NAV1: variants seen among roughly 807,000 people sequenced by gnomAD.
NAV1 encodes pore membrane and/or filament interacting like protein 3.
In NAV1, 18 loss-of-function variants were observed where a neutral mutation model predicts 175.2. The observed-to-expected ratio is 0.10, with a 90% CI of 0.07 to 0.15. NAV1 has a LOEUF of 0.15. Ranked by LOEUF, NAV1 falls within the 10% of genes least tolerant of loss-of-function variation. The pLI is 1.00. For synonymous variants in NAV1, 897 were observed against 978.7 expected (o/e 0.92, Z 1.56); for missense variants, 1,731 against 2,436.6 (o/e 0.71, Z 6.10).
intron 15 of NAV1, among the ~76,000 whole-genome samples, chr1:201,801,799 C>T (rs1023139423): frequency 6.6e-6 from 1 of 152,040 alleles, no homozygotes; most frequent in Non-Finnish European, 1.5e-5. Context: ...TTCAGAATTT[C>T]CGTTCTCCAT....
rs146133568 is a variant in NAV1 at position 201,779,413 on chromosome 1, G to A, written c.1227-1008G>A. Among the ~76,000 whole-genome samples, 326 of 148,264 alleles carry A rather than the reference G, an allele frequency of 2.2e-3. 1 individual carries two copies. Among genetic ancestry groups the A allele is most frequent in the African/African-American group, 7.6e-3 (309 of 40,482 alleles). On this transcript the variant is annotated intron_variant, in intron 3 of 29. Coordinates refer to ENST00000367296, the Ensembl canonical transcript of NAV1. ...TCAAGACCAGCCTGGCCAACATGGT[G>A]AAACCCTGTCTCTACTTAAAAAAAA...
intron 1 of NAV1, among the ~76,000 whole-genome samples, chr1:201,675,283 G>A (rs1201754010): frequency 2.0e-5 from 3 of 152,146 alleles, no homozygotes; most frequent in Non-Finnish European, 4.4e-5. Context: ...TCTGCTCCTT[G>A]ACAAAACCAT....
chr1:201,757,251 T>C (rs1674569958), intron 3 of NAV1, among the ~76,000 whole-genome samples: 1 of 152,172 alleles, frequency 6.6e-6, no homozygotes, highest in Admixed American at 6.5e-5. Flanking sequence ...TTCAGTTTCT[T>C]TCTTTTTTCT....
chr1:201,783,824 G>A (rs1676510352), exon 7 of NAV1: 5 of 1,613,208 alleles, frequency 3.1e-6, no homozygotes, highest in African/African-American at 1.3e-5. Context: ...GACTTGGAGT[G>A]GAAGCCCCAG....
chr1:201,735,187 C>G (rs1212593634), intron 3 of NAV1, among the ~76,000 whole-genome samples: 2 of 152,146 alleles, frequency 1.3e-5, no homozygotes, highest in Non-Finnish European at 2.9e-5. Context: ...GAGCCCCACA[C>G]CAGGGAGGGA....
At chr1:201,763,697 CT>C (rs1675006109) in intron 3 of NAV1, among the ~76,000 whole-genome samples, 2 of 152,218 alleles carry the variant, frequency 1.3e-5, no homozygotes, top group South Asian at 4.1e-4. Flanking sequence ...CATGGCAAAG[CT>C]TTAACCGACG....
intron 1 of NAV1, among the ~76,000 whole-genome samples, chr1:201,561,052 G>A (rs930650755): frequency 2.0e-5 from 3 of 152,192 alleles, no homozygotes; most frequent in African/African-American, 7.2e-5. Flanking sequence ...CCTGGGGTGG[G>A]GCTTTGATTT....
intron 1 of NAV1, among the ~76,000 whole-genome samples, chr1:201,567,327 C>A: frequency 6.6e-6 from 1 of 152,210 alleles, no homozygotes; most frequent in East Asian, 1.9e-4. Flanking sequence ...GGTACGAGGG[C>A]ATTGGCTGGG....
exon 29 of NAV1, chr1:201,817,183 C>T: frequency 6.2e-7 from 1 of 1,614,136 alleles, no homozygotes; most frequent in Non-Finnish European, 8.5e-7. Flanking sequence ...CAAAGCTGTA[C>T]CACCTGCCCC....
In NAV1 at chr1:201,573,133, T is replaced by A. The variant is rs1666595891; in HGVS notation, c.-143-15406T>A. Among the ~76,000 whole-genome samples, 4 of 152,222 alleles carry A rather than the reference T, an allele frequency of 2.6e-5. No homozygotes were observed. In the South Asian group the frequency reaches 8.3e-4, roughly 32 times the overall value. On this transcript the variant is annotated intron_variant, in intron 1 of 33. Transcript: ENST00000685211. ...TGTTGATCAAGCTCAGACTGAATTA[T>A]GCATAGGCACATGGCCTGTGCCTGA...
intron 7 of NAV1, among the ~76,000 whole-genome samples, chr1:201,784,415 C>T (rs1252773080): frequency 6.6e-6 from 1 of 152,108 alleles, no homozygotes; most frequent in Non-Finnish European, 1.5e-5. Context: ...ACATCAGCTT[C>T]CCAAAGTGCT....
upstream of NAV1, among the ~76,000 whole-genome samples, chr1:201,644,331 G>C (rs193058494): frequency 6.6e-6 from 1 of 152,170 alleles, no homozygotes; most frequent in Admixed American, 6.5e-5. Flanking sequence ...GGAATCACTC[G>C]AGGAACCATT....
At chr1:201,612,658 AT>A (rs1311116033) in intron 2 of NAV1, among the ~76,000 whole-genome samples, 3 of 152,190 alleles carry the variant, frequency 2.0e-5, no homozygotes, top group Non-Finnish European at 4.4e-5. Context: ...GACTTAACCC[AT>A]TCACAAAGGT....
exon 30 of NAV1, chr1:201,819,882 T>A: frequency 6.2e-7 from 1 of 1,614,010 alleles, no homozygotes; most frequent in Non-Finnish European, 8.5e-7. Flanking sequence ...CTACATTGAG[T>A]CTCCAGATCG....
chr1:201,690,041 G>A (rs1268114673), intron 1 of NAV1, among the ~76,000 whole-genome samples: 14 of 141,850 alleles, frequency 9.9e-5, no homozygotes, highest in African/African-American at 2.6e-4. Flanking sequence ...GTGGCAGAAT[G>A]TGTCTATTTC....
At chr1:201,746,091 C>G (rs1344555145) in intron 3 of NAV1, among the ~76,000 whole-genome samples, 2 of 152,132 alleles carry the variant, frequency 1.3e-5, no homozygotes, top group Non-Finnish European at 2.9e-5. Flanking sequence ...GCCTCCCAAA[C>G]TGCTGGGACT....
chr1:201,597,009 A>G (rs529064536), intron 2 of NAV1, among the ~76,000 whole-genome samples: 1 of 152,214 alleles, frequency 6.6e-6, no homozygotes, highest in South Asian at 2.1e-4. Context: ...TATTTTTAGT[A>G]GAGATGGAGT....
chr1:201,811,815 C>T, intron 25 of NAV1, 58 bp downstream of exon 29: 2 of 1,609,502 alleles, frequency 1.2e-6, no homozygotes. Flanking sequence ...AGAACCCAGT[C>T]CAGGACAACC....
At chr1:201,602,667 G>T (rs2885065) in intron 2 of NAV1, among the ~76,000 whole-genome samples, 23,657 of 120,356 alleles carry the variant, frequency 0.2, 2,925 homozygotes, top group East Asian at 0.47. Context: ...TTTTTTTTTG[G>T]TTTTTTTTTT....
Sources: gnomAD v4.1 joint callset for allele counts (sites outside exome capture counted in the v4.1 genomes callset) on GRCh38, gnomAD v4.1.1 for gene constraint, MANE v1.5 for transcripts, NCBI Gene and HGNC (gene_info 2026-07-23, HGNC 2026-07-21) for gene names.